TMCO4: variants seen among roughly 807,000 people sequenced by gnomAD.
TMCO4 encodes transmembrane and coiled-coil domain-containing protein 4.
A neutral mutation model predicts 64.7 loss-of-function variants in TMCO4; 58 were observed. The ratio of observed to expected loss-of-function variants is 0.90; its 90% CI spans 0.73 to 1.12. TMCO4 has a LOEUF of 1.12. Ranked by LOEUF, TMCO4 falls within the 50% of genes most tolerant of loss-of-function variation. The pLI is 0.00. For missense variants in TMCO4, 780 were observed against 825.9 expected (o/e 0.94, Z 0.68); for synonymous variants, 325 against 346.1 (o/e 0.94, Z 0.68).
In TMCO4 at chr1:19,713,223, G is replaced by C. The variant is rs139812402; in HGVS notation, c.1265-12338C>G. Among the ~76,000 whole-genome samples, 190 of 152,248 alleles carry C rather than the reference G, an allele frequency of 1.2e-3. 1 individual carries two copies. The highest frequency in any genetic ancestry group is 4.4e-3 in the African/African-American group (182 of 41,540). ...TTCAAGGTCACATTGTAAAGTATGT[G>C]GATACAGGCAGGGGTGGGAATTATG... On this transcript the variant is annotated intron_variant, in intron 13 of 15. Transcript: ENST00000294543.
intron 14 of TMCO4, among the ~76,000 whole-genome samples, chr1:19,696,170 A>G (rs1423723225): frequency 1.3e-5 from 2 of 152,118 alleles, no homozygotes; most frequent in Non-Finnish European, 2.9e-5. Flanking sequence ...TTTCTCATCT[A>G]GACAATTCCT....
At position 19,745,612 on chromosome 1, in the gene TMCO4, A is replaced by G; in HGVS notation, c.797T>C (p.Phe266Ser). Residue 266 changes from phenylalanine to serine, a missense_variant, in exon 10 of 16, where the codon TTC becomes TCC. Physicochemically the swap from Phe to Ser is radical, Grantham distance 155. Transcript: ENST00000294543. ...GCCCTCCGTCAGAGGCAGAAACGTG[A>G]ACTCTTCAATGGCTCCCACTCGCTT... ...MKKRVGAIEE[F>S]TFLPLTEGRQ... is the part of the protein sequence containing the mutation. 1 of 1,613,978 alleles carries G rather than the reference A, an allele frequency of 6.2e-7. No homozygotes were observed. Among genetic ancestry groups the G allele is most frequent in the Non-Finnish European group, 8.5e-7 (1 of 1,179,960 alleles).
At chr1:19,715,813 C>G (rs746278998) in intron 13 of TMCO4, among the ~76,000 whole-genome samples, 2 of 152,188 alleles carry the variant, frequency 1.3e-5, no homozygotes, top group African/African-American at 4.8e-5. Context: ...ATGTAAGCCC[C>G]GGGCATCTCC....
chr1:19,694,530 G>A lies in TMCO4; in HGVS notation c.1404C>T (p.Phe468=), dbSNP rs2095222601. ...GYCRGDWLLS[F]VYRTSSVQLR... ...GCTGCACCGAGGATGTGCGGTACAC[G>A]AAACTCAGCAGCCAGTCTCCCCTGT... Residue 468 remains phenylalanine, a synonymous_variant, in exon 15 of 16, where the codon TTC becomes TTT. Coordinates refer to ENST00000294543, the MANE Select transcript of TMCO4 (RefSeq NM_181719.7). 2.5e-6 allele frequency: 4 copies of A among 1,614,026 alleles called. No individual in the cohort carries two copies. The South Asian group carries it at 4.4e-5, about 18-fold the overall frequency.
Position 19,747,244 on chromosome 1 carries a change from G to T in TMCO4, c.532C>A (p.Arg178=), listed in dbSNP as rs369962324. The T allele has an allele frequency of 6.2e-7, 1 of 1,613,428 alleles. No homozygotes were observed. Reference sequence around the variant, plus strand: ...TTCCTCCGGTTTTCTTTCTTCTTTCGGGATGCCTCGGCCATTCTGAGGGAA... The same window carrying T: ...TTCCTCCGGTTTTCTTTCTTCTTTCTGGATGCCTCGGCCATTCTGAGGGAA... The part of the protein sequence containing the change: ...EEESEMAEAS[R]KKKENRRKWK... Residue 178 remains arginine (R), a synonymous_variant, in exon 8 of 16, where the codon CGA becomes AGA. Transcript: ENST00000294543.
intron 6 of TMCO4, among the ~76,000 whole-genome samples, chr1:19,759,196 C>G (rs2042395045): frequency 6.6e-6 from 1 of 151,846 alleles, no homozygotes; most frequent in Admixed American, 6.6e-5. Context: ...GTTTCCCTGT[C>G]CCGACATGTA....
chr1:19,724,711 T>C (rs2095401077), intron 13 of TMCO4, among the ~76,000 whole-genome samples: 1 of 152,178 alleles, frequency 6.6e-6, no homozygotes, highest in Admixed American at 6.5e-5. Flanking sequence ...TAGTGGAGTC[T>C]GGGTTTGAAC....
rs111270965 is a variant in TMCO4, at chr1:19,731,804, C to T, written c.1264+5568G>A. On this transcript the variant is annotated intron_variant, in intron 13 of 15. Transcript: ENST00000294543. ...CACCAGCTTCCTTGGCCTCAGGTCC[C>T]CAAAGCAGGGAGGTCACACTCGAGT... Among the ~76,000 whole-genome samples, 188 of 152,292 alleles carry T rather than the reference C, an allele frequency of 1.2e-3. 4 individuals are homozygous for T. The highest frequency in any genetic ancestry group is 4.3e-3 in the African/African-American group (177 of 41,564).
chr1:19,719,253 A>G (rs961631830), intron 13 of TMCO4, among the ~76,000 whole-genome samples: 2 of 152,174 alleles, frequency 1.3e-5, no homozygotes, highest in African/African-American at 4.8e-5. Flanking sequence ...TTTGAACCTG[A>G]GTTCACTTCT....
rs755965161 is a variant in TMCO4, at chr1:19,713,933, C to CATT, written c.1265-13051_1265-13049dup. 1.6e-3 allele frequency among the ~76,000 whole-genome samples: 245 copies of CATT among 151,840 alleles called. 1 individual carries two copies. Among genetic ancestry groups the CATT allele is most frequent in the African/African-American group, 5.5e-3 (226 of 41,394 alleles). ...ATTTCTTCAAATCAATCTTCCAGTT[C>CATT]ATTATTATTATTATTATTTTTGAGA... On this transcript the variant is annotated intron_variant, in intron 13 of 15. Coordinates refer to ENST00000294543, the MANE Select transcript of TMCO4 (RefSeq NM_181719.7).
intron 5 of TMCO4, 66 bp downstream of exon 5, chr1:19,771,242 G>T: frequency 1.3e-6 from 2 of 1,537,206 alleles, no homozygotes; most frequent in Non-Finnish European, 1.8e-6. Flanking sequence ...GATTTTTTAG[G>T]CTAACATTGA....
At chr1:19,767,406 C>T (rs567779685) in intron 6 of TMCO4, among the ~76,000 whole-genome samples, 3 of 152,272 alleles carry the variant, frequency 2.0e-5, no homozygotes, top group East Asian at 1.9e-4. Flanking sequence ...ATAATGAGAA[C>T]GTGCCTGGGT....
At chr1:19,778,542 G>A (rs890892453) in intron 4 of TMCO4, among the ~76,000 whole-genome samples, 5 of 152,158 alleles carry the variant, frequency 3.3e-5, no homozygotes, top group Non-Finnish European at 7.3e-5. Context: ...TAGGATTACA[G>A]GCGTGAGCCA....
chr1:19,718,716 C>A (rs965151284), intron 13 of TMCO4, among the ~76,000 whole-genome samples: 1 of 149,184 alleles, frequency 6.7e-6, no homozygotes, highest in Non-Finnish European at 1.5e-5. Context: ...ATGCCCACAC[C>A]TTCCAAGGTG....
At position 19,682,376 on chromosome 1, in the gene TMCO4, GCT is replaced by G. The variant is rs1173752500; in HGVS notation, c.*662_*663del. On this transcript the variant is annotated 3_prime_UTR_variant, in exon 16 of 16. Transcript: ENST00000294543. ...ATGCAATTCAGCATGTATTCACCAT[GCT>G]CTGTTAGTGGTGTCCAGATGTTGCA... is the stretch of plus-strand genomic sequence containing the variant. 7 of 494,900 alleles carry G rather than the reference GCT, an allele frequency of 1.4e-5. No individual in the cohort carries two copies. The highest frequency in any genetic ancestry group is 2.5e-5 in the Non-Finnish European group (7 of 275,298). 30.7% of individuals were successfully genotyped at this position (494,900 alleles called of 1,614,324 possible). A position where few individuals can be genotyped will look rare whatever the true frequency, so the allele number is the denominator to read the frequency against.
chr1:19,765,714 T>C (rs2042707017), intron 6 of TMCO4, among the ~76,000 whole-genome samples: 1 of 151,584 alleles, frequency 6.6e-6, no homozygotes, highest in East Asian at 1.9e-4. Context: ...GAGAAGGAAA[T>C]GATTAGCATG....
chr1:19,775,834 G>A (rs560997482), intron 4 of TMCO4, among the ~76,000 whole-genome samples: 12 of 152,306 alleles, frequency 7.9e-5, no homozygotes, highest in Non-Finnish European at 1.2e-4. Flanking sequence ...GATCAAGAAC[G>A]GCCACACAGT....
chr1:19,726,182 G>C (rs2095408063), intron 13 of TMCO4, among the ~76,000 whole-genome samples: 1 of 152,208 alleles, frequency 6.6e-6, no homozygotes, highest in African/African-American at 2.4e-5. Context: ...TTCTAGCAGG[G>C]GAGAGAGACC....
At chr1:19,787,586 C>G (rs780982004) in intron 2 of TMCO4, among the ~76,000 whole-genome samples, 2 of 152,182 alleles carry the variant, frequency 1.3e-5, no homozygotes, top group Non-Finnish European at 2.9e-5. Flanking sequence ...AAGGCACTCC[C>G]TTTCTCACAT....
Sources: gnomAD v4.1 joint callset for allele counts (sites outside exome capture counted in the v4.1 genomes callset) on GRCh38, gnomAD v4.1.1 for gene constraint, MANE v1.5 for transcripts, NCBI Gene and HGNC (gene_info 2026-07-23, HGNC 2026-07-21) for gene names.